FSTL5: variants seen among roughly 807,000 people sequenced by gnomAD.
The protein encoded by FSTL5 is follistatin-related protein 5.
FSTL5 carries 62 observed loss-of-function variants against 89.1 expected under a neutral mutation model. The ratio of observed to expected loss-of-function variants is 0.70; its 90% CI spans 0.57 to 0.86. The LOEUF (loss-of-function observed/expected upper bound fraction) is 0.86, where lower values mean the gene tolerates loss of function less well. Among genes scored for constraint, FSTL5 ranks in the 40% least tolerant of loss-of-function variants. The pLI, the probability that FSTL5 is intolerant of heterozygous loss-of-function variation, is 0.00. For missense variants in FSTL5, 1,057 were observed against 1,001.6 expected, an observed-to-expected ratio of 1.06 and a Z score of -0.75; for synonymous variants, 383 against 346.2, an observed-to-expected ratio of 1.11 and a Z score of -1.18.
chr4:161,751,789 A>G (rs559038477), intron 6 of FSTL5, among the ~76,000 whole-genome samples: 2 of 117,686 alleles, frequency 1.7e-5, no homozygotes, highest in African/African-American at 1.0e-4. Context: ...TCAAAAAAAA[A>G]GAAAAAAAAA....
chr4:161,478,518 T>G (rs2126449056), intron 13 of FSTL5, among the ~76,000 whole-genome samples: 1 of 152,208 alleles, frequency 6.6e-6, no homozygotes, highest in Non-Finnish European at 1.5e-5. Flanking sequence ...CATCACAACC[T>G]TCTTGTACTT....
At chr4:162,062,943 T>A (rs866550103) in intron 2 of FSTL5, among the ~76,000 whole-genome samples, 7 of 151,742 alleles carry the variant, frequency 4.6e-5, no homozygotes, top group Admixed American at 2.0e-4. Flanking sequence ...ATTCATGGTT[T>A]CTTGCCTTAG....
chr4:161,669,994 G>C (rs182584606), intron 6 of FSTL5, among the ~76,000 whole-genome samples: 1 of 151,938 alleles, frequency 6.6e-6, no homozygotes, highest in East Asian at 1.9e-4. Context: ...AAAAACGTCA[G>C]GTATTTTTTC....
intron 3 of FSTL5, among the ~76,000 whole-genome samples, chr4:161,923,733 T>C (rs1277992039): frequency 6.6e-6 from 1 of 151,830 alleles, no homozygotes. Context: ...ACATGTCATA[T>C]CTAGTATATA....
intron 15 of FSTL5, among the ~76,000 whole-genome samples, chr4:161,399,359 T>C: frequency 6.6e-6 from 1 of 152,252 alleles, no homozygotes; most frequent in Non-Finnish European, 1.5e-5. Flanking sequence ...AATTGTATAA[T>C]TTATTCTTAC....
At chr4:161,673,163 AG>A (rs1191251131) in intron 6 of FSTL5, among the ~76,000 whole-genome samples, 2 of 152,086 alleles carry the variant, frequency 1.3e-5, no homozygotes, top group African/African-American at 4.8e-5. Flanking sequence ...TTTAAATTAC[AG>A]GGTTTGAAAA....
At position 161,920,518 on chromosome 4, in the gene FSTL5, GT is replaced by G; in HGVS notation, c.294del (p.Lys98AsnfsTer23). 1 of 1,613,978 alleles carries G rather than the reference GT, an allele frequency of 6.2e-7. No individual in the cohort carries two copies. The highest frequency in any genetic ancestry group is 1.3e-5 in the African/African-American group (1 of 75,010). On this transcript the variant is annotated frameshift_variant, in exon 4 of 16. Transcript: ENST00000306100. LOFTEE classifies it high-confidence loss of function. ...ACMDLCKRHY[K>X]PVCGSDGEFY... ...AATTCTCCGTCAGATCCACACACAGGTTTGTAGTGACGTTTGCAAAGGTCCA... is the reference window on the plus strand; with the variant it reads ...AATTCTCCGTCAGATCCACACACAGGTTGTAGTGACGTTTGCAAAGGTCCA...
chr4:161,797,326 T>C (rs1005717898), intron 4 of FSTL5, among the ~76,000 whole-genome samples: 4 of 151,628 alleles, frequency 2.6e-5, no homozygotes, highest in South Asian at 4.1e-4. Flanking sequence ...AAGATTCATA[T>C]TAAGCATGTT....
intron 3 of FSTL5, among the ~76,000 whole-genome samples, chr4:161,999,353 G>A (rs1463003184): frequency 6.6e-6 from 1 of 152,108 alleles, no homozygotes; most frequent in Non-Finnish European, 1.5e-5. Flanking sequence ...TGAAATTAAA[G>A]TTAAACTTTA....
intron 15 of FSTL5, among the ~76,000 whole-genome samples, chr4:161,398,117 T>C (rs1416433722): frequency 6.6e-6 from 1 of 152,092 alleles, no homozygotes. Flanking sequence ...AAAAGTTAAG[T>C]TGTGACTCTG....
chr4:161,717,645 G>C (rs182000738), intron 6 of FSTL5, among the ~76,000 whole-genome samples: 201 of 152,258 alleles, frequency 1.3e-3, no homozygotes, highest in Non-Finnish European at 2.4e-3. Flanking sequence ...TGATCAGCTA[G>C]ATGTGGGTTA....
intron 8 of FSTL5, among the ~76,000 whole-genome samples, chr4:161,545,066 T>A (rs1366891332): frequency 1.3e-5 from 2 of 152,054 alleles, no homozygotes; most frequent in African/African-American, 4.8e-5. Flanking sequence ...TCTAGTAATG[T>A]TGAAAAAATG....
In FSTL5 at chr4:161,770,919, G is replaced by C. The variant is rs545303067; in HGVS notation, c.606+4959C>G. Among the ~76,000 whole-genome samples the C allele has an allele frequency of 3.3e-5, 5 of 152,064 alleles. No individual in the cohort carries two copies. In the East Asian group the frequency reaches 9.7e-4, roughly 29 times the overall value. ...AGTTGTCTCTAGGAGAGAATTCTTA[G>C]GATTAGGAACACTCATGCGAGCTAT... is the stretch of plus-strand genomic sequence containing the variant. On this transcript the variant is annotated intron_variant, in intron 5 of 15. Coordinates refer to ENST00000306100, the MANE Select transcript of FSTL5 (RefSeq NM_020116.5).
At chr4:161,669,455 A>G (rs545085256) in intron 6 of FSTL5, among the ~76,000 whole-genome samples, 32 of 152,280 alleles carry the variant, frequency 2.1e-4, no homozygotes, top group Middle Eastern at 6.8e-3. Flanking sequence ...AAATAGATCA[A>G]TGGGGCAGAA....
At chr4:161,528,111 C>T (rs1168045686) in intron 10 of FSTL5, among the ~76,000 whole-genome samples, 1 of 121,260 alleles carries the variant, frequency 8.2e-6, no homozygotes, top group African/African-American at 3.2e-5. Flanking sequence ...CACATGGACA[C>T]AGGAAGGGGA....
At chr4:161,858,949 T>C (rs1731814047) in intron 4 of FSTL5, among the ~76,000 whole-genome samples, 1 of 152,220 alleles carries the variant, frequency 6.6e-6, no homozygotes, top group Admixed American at 6.5e-5. Context: ...CATATAAGTC[T>C]TAATCAGTGG....
chr4:161,475,963 G>A (rs915903451), intron 13 of FSTL5, among the ~76,000 whole-genome samples: 21 of 151,694 alleles, frequency 1.4e-4, no homozygotes, highest in African/African-American at 4.4e-4. Flanking sequence ...CCGTGTTAGC[G>A]AGGATGGTCT....
chr4:161,476,087 C>CTT lies in FSTL5; in HGVS notation c.1608+4931_1608+4932dup, dbSNP rs112565979. ...TCCTGTTTCTTTGTACACCTTGTGA[C>CTT]TTTTTTTTTTTGAAGACTAAGCATT... On this transcript the variant is annotated intron_variant, in intron 13 of 15. Transcript: ENST00000306100. Among the ~76,000 whole-genome samples the CTT allele has an allele frequency of 4.2e-3, 597 of 142,014 alleles. 3 individuals carry two copies. Among genetic ancestry groups the CTT allele is most frequent in the African/African-American group, 0.013 (503 of 38,386 alleles). The allele number at this position is 142,014 out of a possible 152,430, so 93.2% of individuals were successfully genotyped here.
At chr4:161,913,583 C>T (rs1348924263) in intron 4 of FSTL5, among the ~76,000 whole-genome samples, 1 of 152,096 alleles carries the variant, frequency 6.6e-6, no homozygotes, top group Non-Finnish European at 1.5e-5. Flanking sequence ...TTGCACCATG[C>T]ACCTGGAAAA....
Sources: allele counts gnomAD v4.1 joint callset (sites outside exome capture counted in the v4.1 genomes callset), GRCh38; gene constraint gnomAD v4.1.1; transcripts MANE v1.5; gene names NCBI Gene and HGNC (gene_info 2026-07-23, HGNC 2026-07-21).